The following SRPK1 variants were observed in gnomAD, a reference collection of about 807,000 sequenced individuals.
SRPK1 encodes the protein SFRS protein kinase 1.
In SRPK1, 52 loss-of-function variants were observed where a neutral mutation model predicts 89.5. The ratio of observed to expected loss-of-function variants is 0.58; its 90% confidence interval spans 0.46 to 0.73. The LOEUF is 0.73. Among genes scored for constraint, SRPK1 ranks in the 30% least tolerant of loss-of-function variants. The probability of loss-of-function intolerance (pLI) is 0.00; values close to 1 mark genes in which losing one functional copy is unlikely to be tolerated. For synonymous variants in SRPK1, 255 were observed against 270.2 expected (o/e 0.94, Z 0.55); for missense variants, 603 against 780.6 (o/e 0.77, Z 2.71).
chr6:35,903,104 C>A (rs1770779650), intron 2 of SRPK1, among the ~76,000 whole-genome samples: 1 of 151,646 alleles, frequency 6.6e-6, no homozygotes, highest in Non-Finnish European at 1.5e-5. Flanking sequence ...CACAGTGAGA[C>A]CCTGTCTCTA....
At chr6:35,875,772 T>C (rs986480476) in intron 6 of SRPK1, among the ~76,000 whole-genome samples, 2 of 152,038 alleles carry the variant, frequency 1.3e-5, no homozygotes, top group Non-Finnish European at 2.9e-5. Context: ...GGAAAAAGGA[T>C]TGTCACAGTG....
At chr6:35,906,839 A>C (rs1770857078) in intron 2 of SRPK1, among the ~76,000 whole-genome samples, 1 of 152,178 alleles carries the variant, frequency 6.6e-6, no homozygotes, top group African/African-American at 2.4e-5. Flanking sequence ...AGGAAAAAAA[A>C]ACCCACTCTA....
At chr6:35,869,197 T>C (rs1769973526) in intron 11 of SRPK1, 87 bp from the exon 12 acceptor site, 5 of 1,157,054 alleles carry the variant, frequency 4.3e-6, no homozygotes, top group Middle Eastern at 2.0e-4. Flanking sequence ...GTAAGAGTAA[T>C]ACAGTCAGCA....
chr6:35,862,166 C>T (rs1051044344), intron 12 of SRPK1, among the ~76,000 whole-genome samples: 1 of 152,104 alleles, frequency 6.6e-6, no homozygotes, highest in African/African-American at 2.4e-5. Context: ...CCACATTATA[C>T]CAGCTGCCCA....
At chr6:35,875,484 G>T (rs899839964) in intron 6 of SRPK1, among the ~76,000 whole-genome samples, 3 of 152,152 alleles carry the variant, frequency 2.0e-5, no homozygotes, top group African/African-American at 7.2e-5. Flanking sequence ...AAAGTGCTGG[G>T]ATTACAAGCG....
At chr6:35,919,372 AC>A (rs1157056985) in intron 2 of SRPK1, among the ~76,000 whole-genome samples, 1 of 152,096 alleles carries the variant, frequency 6.6e-6, no homozygotes, top group African/African-American at 2.4e-5. Context: ...ACACACCCCT[AC>A]ACCCCCCTAA....
intron 13 of SRPK1, among the ~76,000 whole-genome samples, chr6:35,853,789 C>T (rs538435354): frequency 6.6e-6 from 1 of 152,118 alleles, no homozygotes; most frequent in Non-Finnish European, 1.5e-5. Flanking sequence ...AACATACTTT[C>T]CCACAGTGGG....
chr6:35,868,614 T>C (rs1769961544), intron 12 of SRPK1, among the ~76,000 whole-genome samples: 1 of 152,194 alleles, frequency 6.6e-6, no homozygotes, highest in South Asian at 2.1e-4. Context: ...ATATGTTAAG[T>C]GAATTAAAAG....
intron 6 of SRPK1, among the ~76,000 whole-genome samples, chr6:35,885,081 T>C (rs994115746): frequency 5.9e-5 from 9 of 152,230 alleles, no homozygotes; most frequent in Non-Finnish European, 1.0e-4. Context: ...TACTCAGCAT[T>C]ACTGGGGAGA....
At chr6:35,876,212 TA>T (rs1770155770) in intron 6 of SRPK1, among the ~76,000 whole-genome samples, 1 of 150,064 alleles carries the variant, frequency 6.7e-6, no homozygotes, top group African/African-American at 2.5e-5. Flanking sequence ...AATAAATGAC[TA>T]AAATAAAAAA....
rs114198479 is a variant in SRPK1, at chr6:35,850,917, A to G, written c.1620+6344T>C. 3.7e-3 allele frequency among the ~76,000 whole-genome samples: 565 copies of G among 152,318 alleles called. 2 individuals carry two copies. The highest frequency in any genetic ancestry group is 0.013 in the African/African-American group (528 of 41,582). On this transcript the variant is annotated intron_variant, in intron 13 of 15. Coordinates refer to ENST00000373825, the MANE Select transcript of SRPK1 (RefSeq NM_003137.5). ...GAAAGCACATCCAAAGGTCCAAGGTAAGTATGAGCTTCACAAGACTAGGGA... is the reference window on the plus strand; with the variant it reads ...GAAAGCACATCCAAAGGTCCAAGGTGAGTATGAGCTTCACAAGACTAGGGA...
At chr6:35,910,190 T>C (rs950613995) in intron 2 of SRPK1, among the ~76,000 whole-genome samples, 3 of 151,844 alleles carry the variant, frequency 2.0e-5, no homozygotes, top group Admixed American at 6.6e-5. Context: ...ACCATGTTGG[T>C]CAGGCTGGTC....
chr6:35,835,246 T>C lies in SRPK1; in HGVS notation c.*58A>G. 1 of 1,440,180 alleles carries C rather than the reference T, an allele frequency of 6.9e-7. No homozygotes were observed. Among genetic ancestry groups the C allele is most frequent in the Non-Finnish European group, 9.4e-7 (1 of 1,064,266 alleles). The allele number at this position is 1,440,180 out of a possible 1,614,324, so 89.2% of individuals were successfully genotyped here. ...CCCTGAAAAGGGAAGAGGAAAATGC[T>C]TGAAGGGGAAGGGCGGAGGGTCAGT... On this transcript the variant is annotated 3_prime_UTR_variant, in exon 16 of 16. Coordinates refer to ENST00000373825, the MANE Select transcript of SRPK1 (RefSeq NM_003137.5).
At chr6:35,893,041 C>A (rs1177861512) in intron 2 of SRPK1, among the ~76,000 whole-genome samples, 1 of 152,166 alleles carries the variant, frequency 6.6e-6, no homozygotes, top group Admixed American at 6.6e-5. Context: ...TTCATTGTAA[C>A]TGAAAACATG....
chr6:35,840,746 T>C (rs1023221703), intron 14 of SRPK1, among the ~76,000 whole-genome samples: 32 of 152,178 alleles, frequency 2.1e-4, no homozygotes, highest in African/African-American at 7.2e-4. Context: ...CGTAACAAAC[T>C]ATGCACACAC....
intron 2 of SRPK1, among the ~76,000 whole-genome samples, chr6:35,908,990 G>A (rs759959745): frequency 4.6e-5 from 7 of 152,264 alleles, no homozygotes; most frequent in Non-Finnish European, 8.8e-5. Context: ...GTCTGCTGCA[G>A]GGGTGGAGCC....
intron 13 of SRPK1, among the ~76,000 whole-genome samples, chr6:35,851,469 C>T (rs1379633157): frequency 6.6e-6 from 1 of 152,056 alleles, no homozygotes; most frequent in Non-Finnish European, 1.5e-5. Flanking sequence ...CTATTGTGCC[C>T]AGCCGGTATT....
At chr6:35,859,889 C>T (rs1270342323) in intron 12 of SRPK1, among the ~76,000 whole-genome samples, 4 of 149,096 alleles carry the variant, frequency 2.7e-5, no homozygotes, top group East Asian at 2.0e-4. Flanking sequence ...GATGGAGTCT[C>T]GCTCTGTCAC....
chr6:35,894,014 T>C (rs535958382), intron 2 of SRPK1, among the ~76,000 whole-genome samples: 1 of 149,450 alleles, frequency 6.7e-6, no homozygotes, highest in African/African-American at 2.5e-5. Context: ...CTGTCTCAAA[T>C]AAAAGAAAAA....
Sources: allele counts gnomAD v4.1 joint callset (sites outside exome capture counted in the v4.1 genomes callset), GRCh38; gene constraint gnomAD v4.1.1; transcripts MANE v1.5; gene names NCBI Gene and HGNC (gene_info 2026-07-23, HGNC 2026-07-21).